The following C11orf65 variants were observed in gnomAD, a reference collection of about 807,000 sequenced individuals.
The protein encoded by C11orf65 is chromosome 11 open reading frame 65, also known as protein MFI.
In C11orf65, 38 loss-of-function variants were observed where a neutral mutation model predicts 35.3. The observed-to-expected ratio is 1.08, with a 90% CI of 0.83 to 1.41. The LOEUF (loss-of-function observed/expected upper bound fraction) is 1.41. Among genes scored for constraint, C11orf65 ranks in the 40% most tolerant of loss-of-function variants. C11orf65 has a pLI of 0.00. For synonymous variants in C11orf65, 105 were observed against 114.4 expected (o/e 0.92, Z 0.53); for missense variants, 370 against 367.1 (o/e 1.01, Z -0.06).
In C11orf65 at chr11:108,333,967, AG is replaced by A. The variant is rs876659350; in HGVS notation, c.299+1252del. On this transcript the variant is annotated intron_variant, in intron 3 of 3. Coordinates refer to the C11orf65 transcript ENST00000524755. The stretch of plus-strand genomic sequence containing the variant: ...GTTGTTGTCCCTACTATGGAAATTA[AG>A]GTAATTTGCAATTAACTCTTGATTT... The A allele has an allele frequency of 1.9e-6, 3 of 1,600,190 alleles. No individual in the cohort carries two copies. Among genetic ancestry groups the A allele is most frequent in the Admixed American group, 1.7e-5 (1 of 59,954 alleles).
intron 2 of C11orf65, among the ~76,000 whole-genome samples, chr11:108,370,747 T>A (rs2091546201): frequency 6.6e-6 from 1 of 152,156 alleles, no homozygotes; most frequent in Admixed American, 6.5e-5. Context: ...TGATGATGAT[T>A]ATTTTCCTTG....
intron 2 of C11orf65, among the ~76,000 whole-genome samples, chr11:108,443,570 G>A (rs564660405): frequency 2.0e-5 from 3 of 151,926 alleles, no homozygotes; most frequent in Admixed American, 2.0e-4. Context: ...CCCCATAGTT[G>A]GAAGCACTCC....
chr11:108,400,806 A>G (rs1264956548), intron 6 of C11orf65, among the ~76,000 whole-genome samples: 2 of 152,136 alleles, frequency 1.3e-5, no homozygotes, highest in African/African-American at 4.8e-5. Context: ...AGAGTTCATC[A>G]AGAAATATGC....
intron 2 of C11orf65, among the ~76,000 whole-genome samples, chr11:108,433,547 T>G (rs533304011): frequency 6.6e-5 from 10 of 151,798 alleles, no homozygotes; most frequent in Non-Finnish European, 1.2e-4. Context: ...GCCACTGCAC[T>G]CCAGCCTGGG....
At chr11:108,324,071 AAGAAT>A in intron 6 of C11orf65, among the ~76,000 whole-genome samples, 1 of 152,174 alleles carries the variant, frequency 6.6e-6, no homozygotes, top group South Asian at 2.1e-4. Flanking sequence ...AAAAATTTTA[AAGAAT>A]AGGGTATAAC....
intron 8 of C11orf65, among the ~76,000 whole-genome samples, chr11:108,384,948 G>C (rs1416555123): frequency 1.3e-5 from 2 of 152,226 alleles, no homozygotes; most frequent in African/African-American, 4.8e-5. Flanking sequence ...CAACATGCTG[G>C]CTTTTACTTT....
intron 7 of C11orf65, among the ~76,000 whole-genome samples, chr11:108,391,658 C>T (rs1480338974): frequency 2.0e-5 from 3 of 152,120 alleles, no homozygotes; most frequent in East Asian, 1.9e-4. Context: ...GGATTACAGG[C>T]GTGAGCCACC....
chr11:108,433,880 G>T (rs956747456), intron 2 of C11orf65, among the ~76,000 whole-genome samples: 1 of 152,196 alleles, frequency 6.6e-6, no homozygotes, highest in Non-Finnish European at 1.5e-5. Context: ...ATTGTGCCTG[G>T]AAGAAAAGAT....
chr11:108,458,801 G>A (rs184250465), intron 2 of C11orf65, among the ~76,000 whole-genome samples: 114 of 152,118 alleles, frequency 7.5e-4, no homozygotes, highest in Non-Finnish European at 1.4e-3. Context: ...CCACATTCCC[G>A]TCACAGCCAT....
downstream of C11orf65, chr11:108,327,785 A>ATAGT (rs1565524280): frequency 2.0e-6 from 3 of 1,503,504 alleles, no homozygotes; most frequent in South Asian, 3.4e-5. Flanking sequence ...AACCCTTAAG[A>ATAGT]TAGTTACTTA....
At chr11:108,401,310 TAAAAAAAGAAA>T (rs1480767929) in intron 6 of C11orf65, among the ~76,000 whole-genome samples, 2 of 148,190 alleles carry the variant, frequency 1.3e-5, no homozygotes, top group Non-Finnish European at 3.0e-5. Flanking sequence ...GAACAGAAAT[TAAAAAAAGAAA>T]AAAAAAAGAA....
At position 108,312,073 on chromosome 11, in the gene C11orf65, T is replaced by C. The variant is rs559077054; in HGVS notation, c.641-3002A>G. ...GTCTTTATTTGTGTGTCTGTAATTA[T>C]TGATTGGGTTGAATTTCAGGTGAAA... On this transcript the variant is annotated intron_variant, in intron 6 of 6. Coordinates refer to the C11orf65 transcript ENST00000525729. 3.0e-3 allele frequency among the ~76,000 whole-genome samples: 454 copies of C among 152,330 alleles called. 1 individual carries two copies. The highest frequency in any genetic ancestry group is 0.011 in the South Asian group (55 of 4,824).
chr11:108,309,084 T>C lies in C11orf65; in HGVS notation c.641-13A>G, dbSNP rs1170846130. 9 of 1,402,796 alleles carry C rather than the reference T, an allele frequency of 6.4e-6. No individual in the cohort carries two copies. The Admixed American group carries it at 1.2e-4, about 18-fold the overall frequency. 86.9% of individuals were successfully genotyped at this position (1,402,796 alleles called of 1,614,324 possible). ...CTGAAGAATATTCCTGGAGAAAGTA[T>C]GAATGGGATATAGAAAAACGGGTAA... On this transcript the variant is annotated splice_polypyrimidine_tract_variant and intron_variant, in intron 6 of 6. Coordinates refer to the C11orf65 transcript ENST00000525729.
At chr11:108,407,548 G>A (rs1465705908) in intron 3 of C11orf65, among the ~76,000 whole-genome samples, 2 of 142,728 alleles carry the variant, frequency 1.4e-5, no homozygotes, top group Non-Finnish European at 3.0e-5. Flanking sequence ...TCGAATTCTT[G>A]GCCTCAAGTG....
At chr11:108,416,137 G>A (rs1041674435) in intron 3 of C11orf65, among the ~76,000 whole-genome samples, 5 of 151,982 alleles carry the variant, frequency 3.3e-5, no homozygotes, top group African/African-American at 1.2e-4. Flanking sequence ...CTCAATGAAA[G>A]ACATTAAGAT....
intron 2 of C11orf65, chr11:108,356,092 T>C (rs914048225): frequency 6.6e-6 from 1 of 152,254 alleles, no homozygotes; most frequent in African/African-American, 2.4e-5. Context: ...TGTCATTTGT[T>C]ACAGTTTGCC....
chr11:108,354,805 C>T lies in C11orf65; in HGVS notation c.227-19513G>A, dbSNP rs1591313765. 4 of 1,612,576 alleles carry T rather than the reference C, an allele frequency of 2.5e-6. No individual in the cohort carries two copies. The highest frequency in any genetic ancestry group is 1.7e-6 in the Non-Finnish European group (2 of 1,178,618). ...AAATCCGTATTTATAATGTGTTTGA[C>T]TCTAGATGCTGTGAGAAAACCATGG... On this transcript the variant is annotated intron_variant, in intron 2 of 3. Transcript: ENST00000524755.
chr11:108,363,861 G>T (rs1027188596), intron 2 of C11orf65, among the ~76,000 whole-genome samples: 3 of 152,106 alleles, frequency 2.0e-5, no homozygotes, highest in African/African-American at 7.2e-5. Context: ...TTCAACCCAA[G>T]AAAACCATCT....
At chr11:108,317,652 T>TATATATACACACACACACAC (rs1399501257) in intron 6 of C11orf65, 15 of 117,456 alleles carry the variant, frequency 1.3e-4, no homozygotes, top group South Asian at 8.7e-4. Flanking sequence ...TATATATATA[T>TATATATACACACACACACAC]ACACACACAC....
Sources: gnomAD v4.1 joint callset for allele counts (sites outside exome capture counted in the v4.1 genomes callset) on GRCh38, gnomAD v4.1.1 for gene constraint, MANE v1.5 for transcripts, NCBI Gene and HGNC (gene_info 2026-07-23, HGNC 2026-07-21) for gene names.